TRIO: variants seen among roughly 807,000 people sequenced by gnomAD.
The protein encoded by TRIO is triple functional domain protein.
TRIO carries 58 observed loss-of-function variants against 351.9 expected under a neutral mutation model. The ratio of observed to expected loss-of-function variants is 0.16; its 90% CI spans 0.13 to 0.21. The LOEUF (loss-of-function observed/expected upper bound fraction) is 0.21. TRIO is among the 10% of genes least tolerant of loss of function. The pLI is 1.00. For synonymous variants in TRIO, 1,758 were observed against 1,595.7 expected (o/e 1.10, Z -2.42); for missense variants, 3,201 against 4,027.8 (o/e 0.79, Z 5.56).
At position 14,510,156 on chromosome 5, in the gene TRIO, A is replaced by G. The variant is rs930088684; in HGVS notation, c.*1734A>G. 1 of 152,212 alleles carries G rather than the reference A, an allele frequency of 6.6e-6. No homozygotes were observed. The highest frequency in any genetic ancestry group is 2.4e-5 in the African/African-American group (1 of 41,458). The allele number at this position is 152,212 out of a possible 1,614,324, so 9.4% of individuals were successfully genotyped here. A position where few individuals can be genotyped will look rare whatever the true frequency, so the allele number is the denominator to read the frequency against. On this transcript the variant is annotated 3_prime_UTR_variant, in exon 57 of 57. Transcript: ENST00000344204. ...TTACACAGTATGATGTGATGTAAAT[A>G]TTTTATTTTGCCATCAGTTATTTTA...
At chr5:14,308,784 A>C (rs4702027) in intron 8 of TRIO, among the ~76,000 whole-genome samples, 8 of 149,732 alleles carry the variant, frequency 5.3e-5, no homozygotes, top group African/African-American at 9.9e-5. Context: ...CATCTATCCA[A>C]CCAACCACCC....
intron 1 of TRIO, among the ~76,000 whole-genome samples, chr5:14,207,389 TACACACACACACACACACACAC>T (rs70964544): frequency 8.5e-5 from 1 of 11,724 alleles, no homozygotes; most frequent in Non-Finnish European, 1.8e-4. Flanking sequence ...CAAGACTGTC[TACACACACACACACACACACAC>T]ACACACACAC....
At chr5:14,185,740 C>G (rs1457069417) in intron 1 of TRIO, among the ~76,000 whole-genome samples, 2 of 152,138 alleles carry the variant, frequency 1.3e-5, no homozygotes, top group African/African-American at 4.8e-5. Context: ...CTCTTACAGA[C>G]GGGTTGATTT....
chr5:14,284,602 G>A (rs891212657), intron 3 of TRIO, among the ~76,000 whole-genome samples: 3 of 152,126 alleles, frequency 2.0e-5, no homozygotes, highest in African/African-American at 7.2e-5. Context: ...GCTTATTCCT[G>A]TTGTTAAGCC....
chr5:14,429,435 G>A (rs184107489), intron 34 of TRIO, among the ~76,000 whole-genome samples: 55 of 152,316 alleles, frequency 3.6e-4, no homozygotes, highest in Admixed American at 1.8e-3. Context: ...CATCCTGATA[G>A]CTGAGCTGAA....
intron 34 of TRIO, among the ~76,000 whole-genome samples, chr5:14,455,746 G>T (rs1753243985): frequency 6.6e-6 from 1 of 152,256 alleles, no homozygotes; most frequent in Non-Finnish European, 1.5e-5. Context: ...TAGACACAGA[G>T]TGCTGATTGG....
At chr5:14,202,851 C>T (rs1791222365) in intron 1 of TRIO, among the ~76,000 whole-genome samples, 1 of 151,428 alleles carries the variant, frequency 6.6e-6, no homozygotes, top group Non-Finnish European at 1.5e-5. Context: ...GTCCATTAAA[C>T]CTCTTTTTCT....
At chr5:14,418,495 G>A (rs1749833910) in intron 33 of TRIO, among the ~76,000 whole-genome samples, 1 of 152,122 alleles carries the variant, frequency 6.6e-6, no homozygotes, top group African/African-American at 2.4e-5. Context: ...AGGGAAAAGA[G>A]TGGGGTTTTT....
chr5:14,479,089 G>A lies in TRIO; in HGVS notation c.6154-172G>A, dbSNP rs568150053. On this transcript the variant is annotated intron_variant, in intron 41 of 56. Coordinates refer to ENST00000344204, the MANE Select transcript of TRIO (RefSeq NM_007118.4). The stretch of plus-strand genomic sequence containing the variant: ...GAAGGACTGGTTTTGGAGCCACACC[G>A]TAGAATGCTGATCTACATCCTGAAT... 3.3e-5 allele frequency among the ~76,000 whole-genome samples: 5 copies of A among 152,266 alleles called. No homozygotes were observed. The South Asian group carries it at 6.2e-4, about 19-fold the overall frequency.
chr5:14,500,888 C>CAAA (rs34729667), intron 53 of TRIO, among the ~76,000 whole-genome samples: 127 of 63,364 alleles, frequency 2.0e-3, no homozygotes, highest in Non-Finnish European at 2.5e-3. Flanking sequence ...GACTCTGCCT[C>CAAA]AAAAAAAAAA....
At chr5:14,394,732 A>G (rs1341609941) in intron 28 of TRIO, among the ~76,000 whole-genome samples, 2 of 152,212 alleles carry the variant, frequency 1.3e-5, no homozygotes, top group Non-Finnish European at 2.9e-5. Context: ...GCTTTTTATT[A>G]GTTGTGAGTG....
intron 8 of TRIO, among the ~76,000 whole-genome samples, chr5:14,311,788 C>T (rs1045331199): frequency 7.2e-5 from 11 of 152,256 alleles, no homozygotes; most frequent in Admixed American, 7.2e-4. Flanking sequence ...AGAATTAAGA[C>T]GGTGTTGGCT....
intron 1 of TRIO, among the ~76,000 whole-genome samples, chr5:14,241,226 T>TG (rs538093848): frequency 2.6e-5 from 4 of 152,186 alleles, no homozygotes; most frequent in Non-Finnish European, 4.4e-5. Flanking sequence ...ATAGACATTT[T>TG]GGGGGGCCTT....
At chr5:14,452,943 A>C (rs1262477982) in intron 34 of TRIO, among the ~76,000 whole-genome samples, 1 of 152,102 alleles carries the variant, frequency 6.6e-6, no homozygotes, top group Non-Finnish European at 1.5e-5. Context: ...CCAAATTTAC[A>C]GACTGGGCCT....
At chr5:14,446,568 C>G (rs576013439) in intron 34 of TRIO, among the ~76,000 whole-genome samples, 2 of 152,074 alleles carry the variant, frequency 1.3e-5, no homozygotes, top group South Asian at 4.2e-4. Context: ...TCCCGTAATG[C>G]TTTGTGTGCT....
At chr5:14,163,513 G>A (rs748654154) in intron 1 of TRIO, among the ~76,000 whole-genome samples, 1 of 152,136 alleles carries the variant, frequency 6.6e-6, no homozygotes, top group Non-Finnish European at 1.5e-5. Context: ...CAACTAAAGG[G>A]TATTTTCTAA....
At chr5:14,479,113 A>G in intron 41 of TRIO, 148 bp from the exon 42 acceptor site, 1 of 681,854 alleles carries the variant, frequency 1.5e-6, no homozygotes, top group Non-Finnish European at 2.6e-6. Flanking sequence ...TACATCCTGA[A>G]TCTGGAATTT....
intron 53 of TRIO, among the ~76,000 whole-genome samples, chr5:14,500,099 G>A (rs1223424700): frequency 6.6e-6 from 1 of 151,482 alleles, no homozygotes; most frequent in Admixed American, 6.6e-5. Flanking sequence ...ATGCAAATGG[G>A]AAAATAATCC....
chr5:14,275,932 ATG>A (rs930961235), intron 2 of TRIO, among the ~76,000 whole-genome samples: 20 of 148,030 alleles, frequency 1.4e-4, no homozygotes, highest in South Asian at 4.2e-4. Context: ...GTTTATATAT[ATG>A]TGTGTCTATA....
Sources: allele counts gnomAD v4.1 joint callset (sites outside exome capture counted in the v4.1 genomes callset), GRCh38; gene constraint gnomAD v4.1.1; transcripts MANE v1.5; gene names NCBI Gene and HGNC (gene_info 2026-07-23, HGNC 2026-07-21).